ANKRD11: variants seen among roughly 807,000 people sequenced by gnomAD.
ANKRD11 encodes the protein ankyrin repeat domain-containing protein 11.
In ANKRD11, 17 loss-of-function variants were observed where a neutral mutation model predicts 195.7. The ratio of observed to expected loss-of-function variants is 0.09; its 90% CI spans 0.06 to 0.13. The LOEUF (loss-of-function observed/expected upper bound fraction) is 0.13. Among genes scored for constraint, ANKRD11 ranks in the 10% least tolerant of loss-of-function variants. The pLI is 1.00. For missense variants in ANKRD11, 3,735 were observed against 3,566.1 expected (o/e 1.05, Z -1.21); for synonymous variants, 1,953 against 1,528.1 (o/e 1.28, Z -6.49).
intron 4 of ANKRD11, among the ~76,000 whole-genome samples, chr16:89,304,108 A>C (rs927865947): frequency 6.6e-6 from 1 of 152,338 alleles, no homozygotes; most frequent in Non-Finnish European, 1.5e-5. Context: ...GAGGACAAGG[A>C]GGCCTCTGGA....
chr16:89,310,379 T>C (rs969205352), intron 3 of ANKRD11, among the ~76,000 whole-genome samples: 4 of 152,248 alleles, frequency 2.6e-5, no homozygotes, highest in Non-Finnish European at 2.9e-5. Context: ...ACTGTCTGCA[T>C]CCTCCAATTC....
chr16:89,301,565 G>A (rs576758979), intron 4 of ANKRD11: 96 of 398,850 alleles, frequency 2.4e-4, no homozygotes, highest in Non-Finnish European at 3.3e-4. Flanking sequence ...CATGGCAGGT[G>A]CCTTCCCACT....
intron 2 of ANKRD11, among the ~76,000 whole-genome samples, chr16:89,362,420 C>T (rs1184607157): frequency 6.6e-6 from 1 of 152,166 alleles, no homozygotes; most frequent in African/African-American, 2.4e-5. Context: ...TAGACCCAAA[C>T]CTAAATTGCA....
chr16:89,339,923 G>T (rs1234523374), intron 2 of ANKRD11: 1 of 152,178 alleles, frequency 6.6e-6, no homozygotes, highest in Non-Finnish European at 1.5e-5. Flanking sequence ...GTAACGCATT[G>T]GACGGTTCCT....
intron 2 of ANKRD11, among the ~76,000 whole-genome samples, chr16:89,352,971 A>G (rs2039290671): frequency 6.6e-6 from 1 of 152,256 alleles, no homozygotes; most frequent in Non-Finnish European, 1.5e-5. Flanking sequence ...AAGTTTATGG[A>G]AAACATTAAA....
chr16:89,285,785 C>A lies in ANKRD11; in HGVS notation c.893-136G>T. Reference sequence around the variant, plus strand: ...CTCTGCAGAGACACTTTGCTCGACTCATGGAAACCAGCCACAGGCAGGAGG... The same window carrying A: ...CTCTGCAGAGACACTTTGCTCGACTAATGGAAACCAGCCACAGGCAGGAGG... On this transcript the variant is annotated intron_variant, in intron 8 of 12. Transcript: ENST00000301030. This position sits in a 1 kb window ranked among gnomAD's most constrained non-coding sequence, Gnocchi z 5.6. 1 of 1,124,430 alleles carries A rather than the reference C, an allele frequency of 8.9e-7. No homozygotes were observed. 69.7% of individuals were successfully genotyped at this position (1,124,430 alleles called of 1,614,324 possible).
intron 1 of ANKRD11, among the ~76,000 whole-genome samples, chr16:89,456,358 A>C (rs1378791750): frequency 1.3e-5 from 2 of 151,890 alleles, no homozygotes; most frequent in Non-Finnish European, 2.9e-5. Context: ...AGACCAGCCT[A>C]ACCAACATGG....
At chr16:89,357,571 G>A (rs1253199464) in intron 2 of ANKRD11, among the ~76,000 whole-genome samples, 1 of 152,154 alleles carries the variant, frequency 6.6e-6, no homozygotes, top group South Asian at 2.1e-4. Context: ...GTTGTACTTC[G>A]ACGTTCACAG....
chr16:89,470,994 G>GA (rs1160425285), intron 1 of ANKRD11, among the ~76,000 whole-genome samples: 2 of 151,230 alleles, frequency 1.3e-5, no homozygotes, highest in South Asian at 2.1e-4. Context: ...CTCTGTCTCA[G>GA]AAAAAAAAGG....
intron 2 of ANKRD11, among the ~76,000 whole-genome samples, chr16:89,368,017 CAAAA>C (rs1567708248): frequency 6.6e-6 from 1 of 151,922 alleles, no homozygotes; most frequent in South Asian, 2.1e-4. Flanking sequence ...AAACAAAAAA[CAAAA>C]AAAGAAATTG....
chr16:89,348,416 T>C (rs1028152851), intron 2 of ANKRD11, among the ~76,000 whole-genome samples: 1 of 152,288 alleles, frequency 6.6e-6, no homozygotes, highest in Non-Finnish European at 1.5e-5. Flanking sequence ...TTTACATCAG[T>C]ATTAATGTGG....
intron 4 of ANKRD11, among the ~76,000 whole-genome samples, chr16:89,298,710 G>A (rs918294390): frequency 6.6e-6 from 1 of 152,174 alleles, no homozygotes; most frequent in Non-Finnish European, 1.5e-5. Flanking sequence ...TCTGAGGGGT[G>A]TCAGGGAAGC....
chr16:89,342,115 C>T (rs2038717760), intron 2 of ANKRD11, among the ~76,000 whole-genome samples: 1 of 152,282 alleles, frequency 6.6e-6, no homozygotes, highest in African/African-American at 2.4e-5. Flanking sequence ...CTCACACCAC[C>T]ATGGGCACTT....
intron 2 of ANKRD11, 119 bp from the exon 3 acceptor site, chr16:89,317,197 G>T (rs1048854044): frequency 1.3e-6 from 1 of 779,174 alleles, no homozygotes; most frequent in Non-Finnish European, 2.2e-6. Context: ...TCTGATCAGG[G>T]CTGGGGCCCG....
At chr16:89,469,469 C>A (rs1260038959) in intron 1 of ANKRD11, among the ~76,000 whole-genome samples, 1 of 152,066 alleles carries the variant, frequency 6.6e-6, no homozygotes, top group Non-Finnish European at 1.5e-5. Context: ...GTGATCCACC[C>A]ACCTTGGCCT....
chr16:89,283,100 C>CTCCTGGAG lies in ANKRD11; in HGVS notation c.3441_3442insCTCCAGGA (p.Gly1148LeufsTer173). 6.2e-7 allele frequency: 1 copy of CTCCTGGAG among 1,613,912 alleles called. No individual in the cohort carries two copies. Among genetic ancestry groups the CTCCTGGAG allele is most frequent in the Non-Finnish European group, 8.5e-7 (1 of 1,180,002 alleles). On this transcript the variant is annotated frameshift_variant, in exon 9 of 13. Transcript: ENST00000301030. LOFTEE classifies it high-confidence loss of function. This position sits in a 1 kb window ranked among gnomAD's most constrained non-coding sequence, Gnocchi z 4.3. The stretch of plus-strand genomic sequence containing the variant: ...CGTCCTTCCTCCTTCTCCTGGAGGC[C>CTCCTGGAG]GTCCGTCCTCGGCAAGTCGCTGGCC...
intron 11 of ANKRD11, chr16:89,271,156 C>G (rs1020959756): frequency 3.8e-5 from 21 of 551,800 alleles, no homozygotes; most frequent in Non-Finnish European, 9.9e-6. Flanking sequence ...CGGGTGCCCG[C>G]AGGCCCCACC....
intron 2 of ANKRD11, chr16:89,323,067 G>C (rs887025608): frequency 1.3e-5 from 4 of 303,154 alleles, no homozygotes; most frequent in South Asian, 2.6e-5. Flanking sequence ...GGTGTCTGAA[G>C]GATGCTTTAC....
chr16:89,386,312 T>C (rs2040908193), intron 2 of ANKRD11, among the ~76,000 whole-genome samples: 1 of 151,802 alleles, frequency 6.6e-6, no homozygotes, highest in African/African-American at 2.4e-5. Flanking sequence ...AGACAGACAA[T>C]GCACTAATTC....
Sources: gnomAD v4.1 joint callset for allele counts (sites outside exome capture counted in the v4.1 genomes callset) on GRCh38, gnomAD v4.1.1 for gene constraint, Gnocchi (gnomAD v3.1) non-coding constraint, MANE v1.5 for transcripts, NCBI Gene and HGNC (gene_info 2026-07-23, HGNC 2026-07-21) for gene names.